CLUL1: variants seen among roughly 807,000 people sequenced by gnomAD.
CLUL1 encodes the protein clusterin like 1.
Under a neutral mutation model 49.4 loss-of-function variants are expected in CLUL1, and 43 were observed. The observed-to-expected ratio is 0.87, with a 90% CI of 0.68 to 1.12. The LOEUF (loss-of-function observed/expected upper bound fraction) is 1.12. Among genes scored for constraint, CLUL1 ranks in the 50% most tolerant of loss-of-function variants. The pLI, the probability that CLUL1 is intolerant of heterozygous loss-of-function variation, is 0.00. For synonymous variants in CLUL1, 192 were observed against 184.9 expected (o/e 1.04, Z -0.31); for missense variants, 486 against 544.4 (o/e 0.89, Z 1.07).
rs1340130629 is a variant in CLUL1 at position 606,505 on chromosome 18, G to A, written c.-135-473G>A. On this transcript the variant is annotated intron_variant, in intron 1 of 9. Transcript: ENST00000692774. The surrounding 1 kb of genome is among the most constrained non-coding windows in gnomAD (Gnocchi z 4.1). ...TCTTTGCAAAGTCCCGGAACCCACA[G>A]CTCTGAGACTCTGGCTGTCCCCCAA... Among the ~76,000 whole-genome samples the A allele has an allele frequency of 6.6e-6, 1 of 152,088 alleles. No homozygotes were observed. Among genetic ancestry groups the A allele is most frequent in the East Asian group, 1.9e-4 (1 of 5,186 alleles).
Position 644,900 on chromosome 18 carries a change from T to G in CLUL1, c.1210-10T>G. 1 of 1,598,814 alleles carries G rather than the reference T, an allele frequency of 6.3e-7. No homozygotes were observed. Among genetic ancestry groups the G allele is most frequent in the Non-Finnish European group, 8.5e-7 (1 of 1,169,856 alleles). On this transcript the variant is annotated splice_polypyrimidine_tract_variant and intron_variant, in intron 8 of 9. Transcript: ENST00000692774. ...TAGTAAACTTCTACTGTATAATCCT[T>G]CTTCTGTAGGTAGTTCCAAGGATTC...
intron 9 of CLUL1, 27 bp from the exon 10 acceptor site, chr18:649,871 A>G: frequency 7.6e-7 from 1 of 1,319,530 alleles, no homozygotes; most frequent in Non-Finnish European, 1.1e-6. Flanking sequence ...TATTTTGATC[A>G]TTGCTGCCTT....
chr18:614,390 G>A (rs550337885), intron 2 of CLUL1: 3 of 152,010 alleles, frequency 2.0e-5, no homozygotes, highest in Non-Finnish European at 4.4e-5. Context: ...AGGAAGGAAA[G>A]GAAGGATAAG....
rs1375615833 is a variant in CLUL1 at position 627,449 on chromosome 18, G to A, written c.776G>A (p.Ser259Asn). 2 of 1,613,892 alleles carry A rather than the reference G, an allele frequency of 1.2e-6. No homozygotes were observed. Among genetic ancestry groups the A allele is most frequent in the Admixed American group, 1.7e-5 (1 of 60,026 alleles). ...TTCTTCCAGCTGTTTTGTAATTTCA[G>A]TGTCTCTATTTATGAAAGTGTCAGT... ...PNFFQLFCNF[S>N]VSIYESVSET... is the part of the protein sequence containing the mutation. The change falls in exon 6 of 10, where the codon AGT (serine) becomes AAT (asparagine). Residue 259 changes from serine to asparagine, a missense_variant. Ser to Asn is a conservative substitution (Grantham distance 46). Transcript: ENST00000692774.
intron 9 of CLUL1, among the ~76,000 whole-genome samples, chr18:649,381 C>T (rs958012362): frequency 1.3e-5 from 2 of 152,134 alleles, no homozygotes; most frequent in Admixed American, 6.6e-5. Flanking sequence ...AGTGCCTGGA[C>T]GTTCCTGATT....
chr18:644,863 T>C (rs1319501276), intron 8 of CLUL1, 47 bp from the exon 9 acceptor site: 1 of 1,412,182 alleles, frequency 7.1e-7, no homozygotes, highest in Non-Finnish European at 9.8e-7. Context: ...CTATTGAATG[T>C]GTATTGGGAT....
chr18:625,477 C>T (rs1567965210), intron 5 of CLUL1, among the ~76,000 whole-genome samples: 2 of 151,650 alleles, frequency 1.3e-5, no homozygotes, highest in Non-Finnish European at 2.9e-5. Context: ...TACTCTCTGC[C>T]TCCCAAATCT....
chr18:646,756 C>CTT (rs564838623), intron 9 of CLUL1, among the ~76,000 whole-genome samples: 1 of 143,924 alleles, frequency 6.9e-6, no homozygotes, highest in Admixed American at 7.0e-5. Context: ...TTCTTTCTTT[C>CTT]TTTTTTTTTT....
intron 1 of CLUL1, among the ~76,000 whole-genome samples, chr18:604,156 C>T (rs2072907276): frequency 6.6e-6 from 1 of 152,244 alleles, no homozygotes; most frequent in Admixed American, 6.5e-5. Flanking sequence ...GCTGGGAGTA[C>T]AGGCATGAGC....
intron 6 of CLUL1, among the ~76,000 whole-genome samples, chr18:631,415 T>C (rs1372442910): frequency 1.3e-5 from 2 of 152,104 alleles, no homozygotes; most frequent in Non-Finnish European, 2.9e-5. Flanking sequence ...TAGAGAGTGT[T>C]AGTTAACATT....
At chr18:602,276 CA>C (rs2072853798) in intron 1 of CLUL1, among the ~76,000 whole-genome samples, 1 of 152,176 alleles carries the variant, frequency 6.6e-6, no homozygotes, top group Admixed American at 6.5e-5. Flanking sequence ...TCATTTAGTA[CA>C]GAGATTTAGT....
Position 619,315 on chromosome 18 carries a change from A to G in CLUL1, c.209A>G (p.His70Arg). The G allele has an allele frequency of 6.2e-7, 1 of 1,614,042 alleles. No individual in the cohort carries two copies. The highest frequency in any genetic ancestry group is 8.5e-7 in the Non-Finnish European group (1 of 1,179,962). Reference protein sequence around the residue: ...KIMMERKEKEHTNLMSTLKKC... With the variant: ...KIMMERKEKERTNLMSTLKKC... ...ATGATGGAAAGAAAAGAGAAGGAAC[A>G]CACCAATCTAATGAGCACCCTGAAG... Residue 70 changes from histidine (H) to arginine (R), a missense_variant, in exon 4 of 10, where the codon CAC (histidine) becomes CGC (arginine). By Grantham distance (29) the His-to-Arg change is conservative. Transcript: ENST00000692774.
At position 617,990 on chromosome 18, in the gene CLUL1, A is replaced by G. The variant is rs777988778; in HGVS notation, c.-11A>G. ...GCGGGTTTATTTTTCCTTTGCAGTAACAGCGGGAACATGAAGCCGCCACTC... is the reference window on the plus strand; with the variant it reads ...GCGGGTTTATTTTTCCTTTGCAGTAGCAGCGGGAACATGAAGCCGCCACTC... On this transcript the variant is annotated splice_region_variant and 5_prime_UTR_variant, in exon 3 of 10. Transcript: ENST00000692774. 6.2e-7 allele frequency: 1 copy of G among 1,613,734 alleles called. No individual in the cohort carries two copies.
Position 630,059 on chromosome 18 carries a change from GA to G in CLUL1, c.856+2533del, listed in dbSNP as rs147738981. 6.2e-3 allele frequency among the ~76,000 whole-genome samples: 945 copies of G among 152,268 alleles called. 11 individuals are homozygous for G. The highest frequency in any genetic ancestry group is 0.022 in the African/African-American group (908 of 41,546). On this transcript the variant is annotated intron_variant, in intron 6 of 9. Transcript: ENST00000692774. ...GTGAATTTATGTTATGTGGCAAAGG[GA>G]AAGTAAGGATGCAGATGGAAATCAA...
intron 5 of CLUL1, among the ~76,000 whole-genome samples, chr18:625,816 T>C (rs1399712165): frequency 6.6e-6 from 1 of 152,058 alleles, no homozygotes; most frequent in Non-Finnish European, 1.5e-5. Context: ...GGCTTGGCAA[T>C]GCCGTACTCA....
At chr18:628,061 A>AG (rs2073864167) in intron 6 of CLUL1, among the ~76,000 whole-genome samples, 1 of 152,244 alleles carries the variant, frequency 6.6e-6, no homozygotes, top group African/African-American at 2.4e-5. Flanking sequence ...TCCCGACCTC[A>AG]GGTGATCCAC....
chr18:637,659 G>A (rs754584335), intron 7 of CLUL1, among the ~76,000 whole-genome samples: 63 of 152,194 alleles, frequency 4.1e-4, no homozygotes, highest in Admixed American at 5.9e-4. Context: ...TTTTCGCGGG[G>A]TTACCTAGAG....
intron 5 of CLUL1, 50 bp from the exon 6 acceptor site, chr18:627,024 AAAGAAAAGAAAGAAAGAGTCGAG>A: frequency 2.7e-5 from 2 of 72,862 alleles, no homozygotes; most frequent in Admixed American, 4.9e-4. Flanking sequence ...AGAAAGAAAG[AAAGAAAAGAAAGAAAGAGTCGAG>A]AAAGAAAATA....
At chr18:607,145 A>G in intron 2 of CLUL1, 46 bp downstream of exon 2, 1 of 700,696 alleles carries the variant, frequency 1.4e-6, no homozygotes, top group Non-Finnish European at 2.6e-6. Context: ...TTATTTATTT[A>G]GAGACAGAGT....
Sources: allele counts gnomAD v4.1 joint callset (sites outside exome capture counted in the v4.1 genomes callset), GRCh38; gene constraint gnomAD v4.1.1; non-coding constraint Gnocchi (gnomAD v3.1); transcripts MANE v1.5; gene names NCBI Gene and HGNC (gene_info 2026-07-23, HGNC 2026-07-21).